Variants in EMILIN2 observed in about 807,000 individuals in gnomAD.
EMILIN2 encodes the protein EMILIN-2.
Under a neutral mutation model 87.1 loss-of-function variants are expected in EMILIN2, and 71 were observed. The ratio of observed to expected loss-of-function variants is 0.82; its 90% CI spans 0.67 to 0.99. The LOEUF (loss-of-function observed/expected upper bound fraction) is 0.99, where lower values mean the gene tolerates loss of function less well. EMILIN2 is among the 50% of genes least tolerant of loss of function. EMILIN2 has a pLI of 0.00. For synonymous variants in EMILIN2, 581 were observed against 563.4 expected (o/e 1.03, Z -0.44); for missense variants, 1,407 against 1,371.8 (o/e 1.03, Z -0.40).
intron 2 of EMILIN2, among the ~76,000 whole-genome samples, chr18:2,872,941 T>C (rs1670292071): frequency 6.6e-6 from 1 of 152,142 alleles, no homozygotes; most frequent in South Asian, 2.1e-4. Context: ...AGTCGTGGGC[T>C]AGCTTATGCC....
Position 2,907,000 on chromosome 18 carries a change from G to A in EMILIN2, c.2577G>A (p.Val859=), listed in dbSNP as rs759676859. Residue 859 remains valine, a synonymous_variant, in exon 5 of 8, where the codon GTG becomes GTA. Transcript: ENST00000254528. ...CCGGGCCCCCCGCAGGCGCAGGCGT[G>A]TCTGGGCGGGGTCTGCCGCGGGGCG... ...GQAGPPAGAG[V]SGRGLPRGVD... The A allele has an allele frequency of 1.8e-5, 25 of 1,366,676 alleles. No individual in the cohort carries two copies. The highest frequency in any genetic ancestry group is 3.0e-5 in the Admixed American group (1 of 33,476). 84.7% of individuals were successfully genotyped at this position (1,366,676 alleles called of 1,614,324 possible).
chr18:2,912,332 C>T (rs1403988331), intron 7 of EMILIN2, among the ~76,000 whole-genome samples: 2 of 152,148 alleles, frequency 1.3e-5, no homozygotes, highest in East Asian at 3.9e-4. Context: ...TGAGCCACCA[C>T]GCATGGCCAG....
intron 4 of EMILIN2, among the ~76,000 whole-genome samples, chr18:2,898,211 C>G (rs548572408): frequency 1.3e-5 from 2 of 152,330 alleles, no homozygotes; most frequent in Non-Finnish European, 2.9e-5. Context: ...CACAGGTATC[C>G]CCACAAGTGG....
At chr18:2,850,274 A>G (rs954595133) in intron 2 of EMILIN2, among the ~76,000 whole-genome samples, 9 of 151,962 alleles carry the variant, frequency 5.9e-5, no homozygotes, top group South Asian at 2.1e-4. Context: ...GAATGAAGAC[A>G]AAGGAAGGAG....
Position 2,906,887 on chromosome 18 carries a change from C to T in EMILIN2, c.2464C>T (p.Arg822Ter). The stretch of plus-strand genomic sequence containing the variant: ...CCCCGCAACCGCAGAGGACCCTGGG[C>T]GACGGCCCGTCCTGCCCCAGCGGCC... Reference protein sequence around the residue: ...SGPATAEDPGRRPVLPQRPPE... With the variant: ...SGPATAEDPG The change falls in exon 5 of 8, where the codon CGA (arginine) becomes TGA (stop). Residue 822 changes from arginine to a stop codon, truncating the protein, a stop_gained. Transcript: ENST00000254528. LOFTEE classifies it high-confidence loss of function. 1.4e-6 allele frequency: 2 copies of T among 1,392,388 alleles called. No individual in the cohort carries two copies. Among genetic ancestry groups the T allele is most frequent in the African/African-American group, 1.5e-5 (1 of 66,798 alleles). 86.3% of individuals were successfully genotyped at this position (1,392,388 alleles called of 1,614,324 possible).
intron 2 of EMILIN2, among the ~76,000 whole-genome samples, chr18:2,867,268 T>G (rs1449486280): frequency 6.6e-6 from 1 of 152,110 alleles, no homozygotes; most frequent in Non-Finnish European, 1.5e-5. Context: ...TCAATAGGAT[T>G]GGTACCAATT....
At chr18:2,873,599 C>G (rs928216190) in intron 2 of EMILIN2, among the ~76,000 whole-genome samples, 1 of 151,328 alleles carries the variant, frequency 6.6e-6, no homozygotes, top group Non-Finnish European at 1.5e-5. Flanking sequence ...CCCAGCTACT[C>G]GGGAGGCTGA....
In EMILIN2 at chr18:2,894,956, C is replaced by T. The variant is rs1209641052; in HGVS notation, c.2359+2470C>T. The stretch of plus-strand genomic sequence containing the variant: ...GGACCTGGAGATAAGTAGGCATAAT[C>T]CTTATTCTAAAGCATTTGCAATCAC... On this transcript the variant is annotated intron_variant, in intron 4 of 7. Transcript: ENST00000254528. This position sits in a 1 kb window ranked among gnomAD's most constrained non-coding sequence, Gnocchi z 5.0. Among the ~76,000 whole-genome samples the T allele has an allele frequency of 6.6e-6, 1 of 152,118 alleles. No homozygotes were observed. Among genetic ancestry groups the T allele is most frequent in the Admixed American group, 6.5e-5 (1 of 15,276 alleles).
In EMILIN2 at chr18:2,847,969, G is replaced by T. The variant is rs938477587; in HGVS notation, c.257+38G>T. On this transcript the variant is annotated intron_variant, in intron 2 of 7. Coordinates refer to ENST00000254528, the MANE Select transcript of EMILIN2 (RefSeq NM_032048.3). The surrounding 1 kb of genome is among the most constrained non-coding windows in gnomAD (Gnocchi z 4.5). Reference sequence around the variant, plus strand: ...GCCGGGGAGCGGGCGGGGCGCGCCCGGGCCGGGGCGGTGGGGGTGGGGTGG... The same window carrying T: ...GCCGGGGAGCGGGCGGGGCGCGCCCTGGCCGGGGCGGTGGGGGTGGGGTGG... 1 of 1,557,250 alleles carries T rather than the reference G, an allele frequency of 6.4e-7. No individual in the cohort carries two copies. Among genetic ancestry groups the T allele is most frequent in the African/African-American group, 1.3e-5 (1 of 74,246 alleles).
At chr18:2,878,913 C>T (rs1180110511) in intron 2 of EMILIN2, among the ~76,000 whole-genome samples, 5 of 152,166 alleles carry the variant, frequency 3.3e-5, no homozygotes, top group Non-Finnish European at 5.9e-5. Flanking sequence ...TCCCATTAAG[C>T]GAGTGTCCCC....
chr18:2,868,661 G>T lies in EMILIN2; in HGVS notation c.258-16303G>T, dbSNP rs376488760. Among the ~76,000 whole-genome samples the T allele has an allele frequency of 3.7e-4, 56 of 152,336 alleles. 1 individual carries two copies. Among genetic ancestry groups the T allele is most frequent in the Admixed American group, 2.4e-3 (36 of 15,306 alleles). ...AAATACGAAAACCAGTCAGGCGTGG[G>T]GGCGCGCGCCTGCAATCGCAGGCAC... On this transcript the variant is annotated intron_variant, in intron 2 of 7. Coordinates refer to ENST00000254528, the MANE Select transcript of EMILIN2 (RefSeq NM_032048.3).
chr18:2,910,012 G>A (rs1437178263), intron 7 of EMILIN2, among the ~76,000 whole-genome samples, 193 bp downstream of exon 7: 2 of 152,212 alleles, frequency 1.3e-5, no homozygotes, highest in Admixed American at 6.5e-5. Flanking sequence ...GTCCCAGCTC[G>A]AGGGCTGCAG....
chr18:2,881,748 T>C (rs1305968406), intron 2 of EMILIN2, among the ~76,000 whole-genome samples: 1 of 152,174 alleles, frequency 6.6e-6, no homozygotes, highest in African/African-American at 2.4e-5. Flanking sequence ...AGGAACCACG[T>C]TTTTCTGAGA....
rs1355905412 is a variant in EMILIN2, at chr18:2,891,423, T to C, written c.1296T>C (p.Asn432=). 6 of 1,613,880 alleles carry C rather than the reference T, an allele frequency of 3.7e-6. No individual in the cohort carries two copies. In the Admixed American group the frequency reaches 8.3e-5, roughly 22 times the overall value. ...ATRMLNGRLD[N]EFDRLIVPEP... ...GAATGCTGAATGGAAGACTGGACAATGAGTTTGACCGCCTTATAGTTCCAG... is the reference window on the plus strand; with the variant it reads ...GAATGCTGAATGGAAGACTGGACAACGAGTTTGACCGCCTTATAGTTCCAG... Residue 432 remains asparagine (N), a synonymous_variant, in exon 4 of 8, where the codon AAT becomes AAC. Transcript: ENST00000254528. This position sits in a 1 kb window ranked among gnomAD's most constrained non-coding sequence, Gnocchi z 4.6.
chr18:2,849,086 T>G (rs965730300), intron 2 of EMILIN2, among the ~76,000 whole-genome samples: 4 of 152,222 alleles, frequency 2.6e-5, no homozygotes, highest in African/African-American at 9.6e-5. Flanking sequence ...TGAAATTGAA[T>G]GCCCAGCTAG....
Position 2,864,486 on chromosome 18 carries a change from G to A in EMILIN2, c.257+16555G>A, listed in dbSNP as rs549727350. 9.4e-3 allele frequency among the ~76,000 whole-genome samples: 1,424 copies of A among 152,238 alleles called. 18 individuals are homozygous for A. The highest frequency in any genetic ancestry group is 9.7e-3 in the Non-Finnish European group (662 of 68,036). On this transcript the variant is annotated intron_variant, in intron 2 of 7. Transcript: ENST00000254528. The stretch of plus-strand genomic sequence containing the variant: ...ATTTCTCCTTCACTTATGAAACTTA[G>A]TTTGGCTGGATATGAAATTCTGGGT...
chr18:2,852,827 T>C (rs767102722), intron 2 of EMILIN2, among the ~76,000 whole-genome samples: 2 of 152,186 alleles, frequency 1.3e-5, no homozygotes, highest in Non-Finnish European at 2.9e-5. Context: ...CCCGCAATAA[T>C]AATTCTTAAC....
chr18:2,877,200 A>T (rs668296), intron 2 of EMILIN2, among the ~76,000 whole-genome samples: 35,354 of 152,126 alleles, frequency 0.23, 5,438 homozygotes, highest in Non-Finnish European at 0.33. Context: ...ATGGTTTCAA[A>T]TGGCCAATTT....
intron 2 of EMILIN2, among the ~76,000 whole-genome samples, chr18:2,881,726 C>G (rs1568468151): frequency 6.6e-6 from 1 of 152,248 alleles, no homozygotes; most frequent in East Asian, 1.9e-4. Flanking sequence ...CACATTCAGT[C>G]TGAATGCTCA....
Sources: gnomAD v4.1 joint callset for allele counts (sites outside exome capture counted in the v4.1 genomes callset) on GRCh38, gnomAD v4.1.1 for gene constraint, Gnocchi (gnomAD v3.1) non-coding constraint, MANE v1.5 for transcripts, NCBI Gene and HGNC (gene_info 2026-07-23, HGNC 2026-07-21) for gene names.